KANK1: variants seen among roughly 807,000 people sequenced by gnomAD.
The protein encoded by KANK1 is KN motif and ankyrin repeat domain-containing protein 1.
A neutral mutation model predicts 106.2 loss-of-function variants in KANK1; 109 were observed. That is an observed-to-expected ratio of 1.03 (90% confidence interval 0.88 to 1.20). The LOEUF is 1.20. Among genes scored for constraint, KANK1 ranks in the 50% most tolerant of loss-of-function variants. The pLI is 0.00. For missense variants in KANK1, 2,399 were observed against 1,710.7 expected (o/e 1.40, Z -7.10); for synonymous variants, 873 against 652.2 (o/e 1.34, Z -5.16).
rs539310587 is a variant in KANK1 at position 604,080 on chromosome 9, G to T, written c.-83-72810G>T. ...GGAGTGTCAGTGATTTCAGCAAAAA[G>T]TTGGGGTACCAGTTCATAATAAATT... On this transcript the variant is annotated intron_variant, in intron 1 of 11. Coordinates refer to ENST00000382297, the MANE Select transcript of KANK1 (RefSeq NM_015158.5). 9.4e-4 allele frequency among the ~76,000 whole-genome samples: 142 copies of T among 151,630 alleles called. 3 individuals are homozygous for T. Among genetic ancestry groups the T allele is most frequent in the African/African-American group, 3.4e-3 (139 of 41,088 alleles).
At chr9:515,861 C>G (rs1263977141) in intron 1 of KANK1, among the ~76,000 whole-genome samples, 1 of 151,768 alleles carries the variant, frequency 6.6e-6, no homozygotes, top group African/African-American at 2.4e-5. Flanking sequence ...TGCATAGTTT[C>G]AAGGAAACCT....
intron 3 of KANK1, among the ~76,000 whole-genome samples, chr9:477,162 G>A (rs1315859065): frequency 6.6e-6 from 1 of 152,172 alleles, no homozygotes; most frequent in Admixed American, 6.5e-5. Flanking sequence ...ATTATGGAAA[G>A]TCTGAAAGAA....
At chr9:591,736 G>C (rs191172373) in intron 1 of KANK1, among the ~76,000 whole-genome samples, 27 of 151,898 alleles carry the variant, frequency 1.8e-4, no homozygotes, top group Non-Finnish European at 3.4e-4. Context: ...GGCTCACTCT[G>C]CAACCTCTGC....
chr9:538,115 A>G (rs1286269274), intron 1 of KANK1, among the ~76,000 whole-genome samples: 1 of 151,908 alleles, frequency 6.6e-6, no homozygotes, highest in Non-Finnish European at 1.5e-5. Flanking sequence ...CAGAATCAAC[A>G]TGGTTGGGAG....
At chr9:724,140 A>T (rs150211329) in intron 3 of KANK1, among the ~76,000 whole-genome samples, 71 of 152,206 alleles carry the variant, frequency 4.7e-4, no homozygotes, top group African/African-American at 1.6e-3. Flanking sequence ...TACTGACTGG[A>T]TTATGTGATA....
At chr9:725,559 C>G (rs1454486853) in intron 3 of KANK1, among the ~76,000 whole-genome samples, 2 of 151,162 alleles carry the variant, frequency 1.3e-5, no homozygotes, top group Admixed American at 6.6e-5. Context: ...TTTGCCAGCT[C>G]TCACTCTTTT....
At chr9:576,317 A>C (rs973544078) in intron 1 of KANK1, among the ~76,000 whole-genome samples, 3 of 152,176 alleles carry the variant, frequency 2.0e-5, no homozygotes, top group Non-Finnish European at 4.4e-5. Flanking sequence ...AGTGTATACA[A>C]GGTAAGAAGC....
intron 3 of KANK1, among the ~76,000 whole-genome samples, chr9:485,361 C>G (rs1019897202): frequency 3.3e-5 from 5 of 152,136 alleles, no homozygotes; most frequent in African/African-American, 1.2e-4. Flanking sequence ...GTATACAATT[C>G]AATGATTTTT....
chr9:472,022 CA>C (rs747342639), intron 2 of KANK1, among the ~76,000 whole-genome samples: 10 of 152,108 alleles, frequency 6.6e-5, no homozygotes, highest in Non-Finnish European at 1.3e-4. Context: ...ATGTGACTGA[CA>C]AAAAAGAGCC....
chr9:544,480 A>G (rs2060808583), intron 1 of KANK1, among the ~76,000 whole-genome samples: 1 of 152,180 alleles, frequency 6.6e-6, no homozygotes, highest in Non-Finnish European at 1.5e-5. Flanking sequence ...GCCATAACAA[A>G]TTTGAGATGA....
At chr9:686,790 C>G (rs1818691216) in intron 2 of KANK1, 1 of 985,250 alleles carries the variant, frequency 1.0e-6, no homozygotes, top group African/African-American at 1.7e-5. Context: ...CACACACGTG[C>G]TGGAGCTGAG....
At chr9:741,339 A>C (rs1016770634) in intron 9 of KANK1, among the ~76,000 whole-genome samples, 25 of 150,980 alleles carry the variant, frequency 1.7e-4, no homozygotes, top group African/African-American at 5.8e-4. Flanking sequence ...TTTTTTTTTA[A>C]GAGACGGTCT....
In KANK1 at chr9:666,220, G is replaced by T. The variant is rs551160880; in HGVS notation, c.-83-10670G>T. 6.3e-4 allele frequency among the ~76,000 whole-genome samples: 96 copies of T among 151,742 alleles called. 1 individual carries two copies. The highest frequency in any genetic ancestry group is 2.3e-3 in the African/African-American group (94 of 41,416). On this transcript the variant is annotated intron_variant, in intron 1 of 11. Transcript: ENST00000382297. ...AATATTCCTGGGTATTTTACATTCTGTGTAGATACAATAAATTAGATTACT... is the reference window on the plus strand; with the variant it reads ...AATATTCCTGGGTATTTTACATTCTTTGTAGATACAATAAATTAGATTACT...
At chr9:718,719 A>G (rs1828443514) in intron 3 of KANK1, among the ~76,000 whole-genome samples, 1 of 152,190 alleles carries the variant, frequency 6.6e-6, no homozygotes, top group African/African-American at 2.4e-5. Context: ...ATTATTCTGT[A>G]CAAGTGTGAG....
At chr9:601,456 G>C (rs1827722692) in intron 1 of KANK1, among the ~76,000 whole-genome samples, 1 of 151,796 alleles carries the variant, frequency 6.6e-6, no homozygotes, top group Non-Finnish European at 1.5e-5. Context: ...TTATTTTGTG[G>C]AATGACTAGA....
chr9:692,827 C>G (rs1029567630), intron 2 of KANK1, among the ~76,000 whole-genome samples: 1 of 151,936 alleles, frequency 6.6e-6, no homozygotes, highest in African/African-American at 2.4e-5. Flanking sequence ...CCAACCTGGG[C>G]AACATAGTAA....
chr9:604,271 C>T (rs1295089115), intron 1 of KANK1, among the ~76,000 whole-genome samples: 1 of 151,662 alleles, frequency 6.6e-6, no homozygotes, highest in African/African-American at 2.4e-5. Flanking sequence ...AGACATTGTA[C>T]TGGTGATGTG....
At chr9:504,444 G>A (rs2058632222), upstream of KANK1, among the ~76,000 whole-genome samples, 1 of 151,688 alleles carries the variant, frequency 6.6e-6, no homozygotes, top group Non-Finnish European at 1.5e-5. Flanking sequence ...GGCCGGCTCC[G>A]CGGTACAAAG....
chr9:523,724 G>T (rs1357475634), intron 1 of KANK1, among the ~76,000 whole-genome samples: 1 of 151,592 alleles, frequency 6.6e-6, no homozygotes, highest in African/African-American at 2.4e-5. Context: ...TGAGGTCCTT[G>T]CTCAGATGTC....
Sources: allele counts gnomAD v4.1 joint callset (sites outside exome capture counted in the v4.1 genomes callset), GRCh38; gene constraint gnomAD v4.1.1; transcripts MANE v1.5; gene names NCBI Gene and HGNC (gene_info 2026-07-23, HGNC 2026-07-21).